Variants in AEBP2 observed in about 807,000 individuals in gnomAD.
AEBP2 encodes zinc finger protein AEBP2.
A neutral mutation model predicts 50.8 loss-of-function variants in AEBP2; 10 were observed. The observed-to-expected ratio is 0.20, with a 90% CI of 0.12 to 0.33. AEBP2 has a LOEUF of 0.33. Ranked by LOEUF, AEBP2 falls within the 10% of genes least tolerant of loss-of-function variation. The probability of loss-of-function intolerance (pLI) is 1.00; values close to 1 mark genes in which losing one functional copy is unlikely to be tolerated. For synonymous variants in AEBP2, 296 were observed against 261.3 expected, an observed-to-expected ratio of 1.13 and a Z score of -1.28; for missense variants, 570 against 688.0, an observed-to-expected ratio of 0.83 and a Z score of 1.92.
chr12:19,504,387 C>CG (rs1491460957), intron 5 of AEBP2, among the ~76,000 whole-genome samples: 2 of 151,360 alleles, frequency 1.3e-5, no homozygotes, highest in African/African-American at 4.9e-5. Context: ...GGCGCCCCCC[C>CG]CACCACGCCT....
intron 1 of AEBP2, among the ~76,000 whole-genome samples, chr12:19,425,773 CAAAAAAAAA>C (rs11317571): frequency 4.2e-5 from 2 of 47,892 alleles, no homozygotes; most frequent in African/African-American, 7.2e-5. Flanking sequence ...GACTCCATCT[CAAAAAAAAA>C]AAAAAAAAAA....
chr12:19,416,593 TG>T (rs1292188224), intron 1 of AEBP2, among the ~76,000 whole-genome samples: 1 of 150,436 alleles, frequency 6.6e-6, no homozygotes, highest in Non-Finnish European at 1.5e-5. Context: ...TTAGTAGAGA[TG>T]GGGTTTCACC....
At chr12:19,461,317 G>A (rs1249860628) in intron 1 of AEBP2, among the ~76,000 whole-genome samples, 4 of 152,094 alleles carry the variant, frequency 2.6e-5, no homozygotes, top group African/African-American at 9.7e-5. Context: ...GAAAATAAGT[G>A]AATTGCTTTT....
At chr12:19,404,419 C>T (rs2095734967) in intron 1 of AEBP2, among the ~76,000 whole-genome samples, 1 of 152,314 alleles carries the variant, frequency 6.6e-6, no homozygotes, top group South Asian at 2.1e-4. Flanking sequence ...CGCTTCCTCT[C>T]AGGCTCTGAA....
Position 19,518,813 on chromosome 12 carries a change from T to G in AEBP2, c.*696T>G, listed in dbSNP as rs900403300. 1 of 1,099,556 alleles carries G rather than the reference T, an allele frequency of 9.1e-7. No individual in the cohort carries two copies. The highest frequency in any genetic ancestry group is 2.8e-5 in the East Asian group (1 of 36,304). 68.1% of individuals were successfully genotyped at this position (1,099,556 alleles called of 1,614,324 possible). A position where few individuals can be genotyped will look rare whatever the true frequency, so the allele number is the denominator to read the frequency against. ...TGCAGTATGTCTGGTGGCTCCCTTT[T>G]CAGGACTAGGGCTTTCTCATGGAGT... is the stretch of plus-strand genomic sequence containing the variant. On this transcript the variant is annotated 3_prime_UTR_variant, in exon 8 of 8. Coordinates refer to ENST00000266508, the MANE Select transcript of AEBP2 (RefSeq NM_153207.5).
chr12:19,503,896 A>G (rs1473092883), intron 5 of AEBP2, among the ~76,000 whole-genome samples: 1 of 152,048 alleles, frequency 6.6e-6, no homozygotes, highest in East Asian at 1.9e-4. Flanking sequence ...CAGTGGCACA[A>G]ACATGGCTCA....
At chr12:19,406,078 G>T (rs2153362676) in intron 1 of AEBP2, among the ~76,000 whole-genome samples, 1 of 151,524 alleles carries the variant, frequency 6.6e-6, no homozygotes, top group Middle Eastern at 3.4e-3. Flanking sequence ...GGACTCTCCT[G>T]CTTTAGCCTC....
At chr12:19,433,378 A>AC (rs753449175) in intron 1 of AEBP2, among the ~76,000 whole-genome samples, 1 of 152,050 alleles carries the variant, frequency 6.6e-6, no homozygotes. Context: ...ACAGAGTGAG[A>AC]CCCCTTCTCC....
intron 1 of AEBP2, among the ~76,000 whole-genome samples, chr12:19,419,922 T>C (rs1240116334): frequency 6.6e-6 from 1 of 151,824 alleles, no homozygotes; most frequent in Non-Finnish European, 1.5e-5. Context: ...AGAGTGAGAC[T>C]CCGTCCTTCC....
intron 1 of AEBP2, among the ~76,000 whole-genome samples, chr12:19,417,707 CT>C (rs1324426906): frequency 6.7e-6 from 1 of 149,364 alleles, no homozygotes; most frequent in Non-Finnish European, 1.5e-5. Flanking sequence ...TGAGCCCAGC[CT>C]CTTTTTTTTT....
At chr12:19,481,329 C>T (rs1167867100) in intron 3 of AEBP2, among the ~76,000 whole-genome samples, 1 of 151,986 alleles carries the variant, frequency 6.6e-6, no homozygotes, top group Non-Finnish European at 1.5e-5. Flanking sequence ...TCTTGAACTG[C>T]TGACCTCAGG....
chr12:19,514,116 C>T (rs545125680), intron 6 of AEBP2, among the ~76,000 whole-genome samples: 3 of 151,798 alleles, frequency 2.0e-5, no homozygotes, highest in South Asian at 2.1e-4. Flanking sequence ...TCTTGTGCCT[C>T]GTTCTCCGGA....
chr12:19,441,386 CA>C (rs1832014047), intron 1 of AEBP2, among the ~76,000 whole-genome samples: 3 of 152,150 alleles, frequency 2.0e-5, no homozygotes, highest in Non-Finnish European at 4.4e-5. Context: ...GAATCACATG[CA>C]TATTATGCCA....
chr12:19,503,477 A>C (rs538644926), intron 5 of AEBP2, among the ~76,000 whole-genome samples: 1 of 152,136 alleles, frequency 6.6e-6, no homozygotes, highest in East Asian at 1.9e-4. Flanking sequence ...ACTTTGCTAA[A>C]GTTGTTTATC....
intron 1 of AEBP2, among the ~76,000 whole-genome samples, chr12:19,410,155 T>A (rs984056160): frequency 2.6e-5 from 4 of 152,182 alleles, no homozygotes; most frequent in African/African-American, 7.2e-5. Flanking sequence ...TCTTCACTGC[T>A]CAACCTCCTT....
intron 2 of AEBP2, among the ~76,000 whole-genome samples, chr12:19,465,435 A>G (rs1404400855): frequency 6.6e-6 from 1 of 152,144 alleles, no homozygotes; most frequent in Non-Finnish European, 1.5e-5. Flanking sequence ...TGTTATTTTG[A>G]TCAAAGATAG....
chr12:19,442,407 C>CA (rs1319160262), intron 1 of AEBP2, among the ~76,000 whole-genome samples: 14 of 150,198 alleles, frequency 9.3e-5, no homozygotes, highest in Non-Finnish European at 1.5e-4. Context: ...GACTCCGTCT[C>CA]AAAAAAAAAC....
chr12:19,476,181 T>C (rs946152637), intron 3 of AEBP2, among the ~76,000 whole-genome samples: 2 of 152,170 alleles, frequency 1.3e-5, no homozygotes, highest in African/African-American at 4.8e-5. Context: ...TCTTCCAGAA[T>C]TTTTATGGTT....
At chr12:19,439,372 G>A (rs1270778472), upstream of AEBP2, among the ~76,000 whole-genome samples, 8 of 147,570 alleles carry the variant, frequency 5.4e-5, no homozygotes, top group Non-Finnish European at 9.0e-5. Context: ...AGCACTTGCA[G>A]GCGCCGGGGC....
Sources: gnomAD v4.1 joint callset for allele counts (sites outside exome capture counted in the v4.1 genomes callset) on GRCh38, gnomAD v4.1.1 for gene constraint, MANE v1.5 for transcripts, NCBI Gene and HGNC (gene_info 2026-07-23, HGNC 2026-07-21) for gene names.